SCMH1: variants seen among roughly 807,000 people sequenced by gnomAD.
The protein encoded by SCMH1 is polycomb protein SCMH1.
SCMH1 carries 37 observed loss-of-function variants against 70.8 expected under a neutral mutation model. The observed-to-expected ratio is 0.52, with a 90% CI of 0.40 to 0.69. The LOEUF (loss-of-function observed/expected upper bound fraction) is 0.69, where lower values mean the gene tolerates loss of function less well. SCMH1 is among the 30% of genes least tolerant of loss of function. The pLI is 0.00. For synonymous variants in SCMH1, 292 were observed against 307.4 expected, an observed-to-expected ratio of 0.95 and a Z score of 0.52; for missense variants, 607 against 827.3, an observed-to-expected ratio of 0.73 and a Z score of 3.27.
At chr1:41,057,267 T>C (rs1313712943) in intron 10 of SCMH1, among the ~76,000 whole-genome samples, 3 of 152,138 alleles carry the variant, frequency 2.0e-5, no homozygotes, top group African/African-American at 7.2e-5. Context: ...GTTTTTTTGT[T>C]TGTTTGTTTG....
At chr1:41,143,093 T>C in exon 6 of SCMH1, 1 of 1,614,070 alleles carries the variant, frequency 6.2e-7, no homozygotes, top group Non-Finnish European at 8.5e-7. Flanking sequence ...CTTGAACTCG[T>C]TGCTTGGAGG....
At chr1:41,159,396 G>A (rs1030318869) in intron 4 of SCMH1, among the ~76,000 whole-genome samples, 19 of 152,076 alleles carry the variant, frequency 1.2e-4, no homozygotes, top group East Asian at 5.8e-4. Flanking sequence ...TCATATTAGC[G>A]ACAAAACCAA....
rs184790794 is a variant in SCMH1, at chr1:41,220,709, A to G, written c.-118+21350T>C. ...TGGTCCTTGTTTTTGACAAAAGCGC[A>G]TAATCTAAAGGAGTCTGAAAATAAA... On this transcript the variant is annotated intron_variant, in intron 1 of 14. Coordinates refer to ENST00000337495, the Ensembl canonical transcript of SCMH1. Among the ~76,000 whole-genome samples the G allele has an allele frequency of 8.4e-4, 128 of 152,356 alleles. No individual in the cohort carries two copies. The Middle Eastern group carries it at 0.014, about 16-fold the overall frequency.
intron 10 of SCMH1, among the ~76,000 whole-genome samples, chr1:41,049,509 C>T (rs1044524559): frequency 1.5e-4 from 23 of 151,662 alleles, no homozygotes; most frequent in Middle Eastern, 3.4e-3. Context: ...TGGTGGCTCA[C>T]GCCTGTAATC....
At chr1:41,074,964 G>A (rs12023623) in intron 9 of SCMH1, among the ~76,000 whole-genome samples, 16,520 of 152,280 alleles carry the variant, frequency 0.11, 1,279 homozygotes, top group East Asian at 0.28. Context: ...CCGGGTTCAC[G>A]TCATTCTCCT....
At chr1:41,215,500 A>T (rs1014503349) in intron 1 of SCMH1, among the ~76,000 whole-genome samples, 2 of 152,072 alleles carry the variant, frequency 1.3e-5, no homozygotes, top group African/African-American at 2.4e-5. Context: ...TCTAGGGCTG[A>T]CAATCTTCTC....
At chr1:41,114,700 A>G (rs997135419) in intron 7 of SCMH1, among the ~76,000 whole-genome samples, 1 of 145,054 alleles carries the variant, frequency 6.9e-6, no homozygotes, top group African/African-American at 2.6e-5. Flanking sequence ...TTTTGGAGAA[A>G]GGGTCTGGTT....
chr1:41,191,924 G>T (rs1651805858), intron 1 of SCMH1, among the ~76,000 whole-genome samples: 1 of 152,052 alleles, frequency 6.6e-6, no homozygotes. Flanking sequence ...TTGTGGGAAG[G>T]TTGAATGCCC....
intron 5 of SCMH1, 25 bp from the exon 6 acceptor site, chr1:41,143,137 T>C (rs375470183): frequency 3.0e-5 from 48 of 1,587,602 alleles, no homozygotes; most frequent in Middle Eastern, 1.7e-4. Flanking sequence ...GCATGAGGTA[T>C]AGACAGATTA....
intron 10 of SCMH1, among the ~76,000 whole-genome samples, chr1:41,053,012 G>A (rs1400720978): frequency 6.6e-6 from 1 of 150,512 alleles, no homozygotes; most frequent in African/African-American, 2.5e-5. Flanking sequence ...CCACCTCCCG[G>A]ATTTAAGTGA....
At chr1:41,114,681 C>CTCTCTCTCTCTT (rs1268435152) in intron 7 of SCMH1, among the ~76,000 whole-genome samples, 2 of 151,612 alleles carry the variant, frequency 1.3e-5, no homozygotes, top group Non-Finnish European at 2.9e-5. Flanking sequence ...CTCTCTCTCT[C>CTCTCTCTCTCTT]TCTTTCTTTT....
At chr1:41,139,071 T>G (rs915584358) in intron 6 of SCMH1, among the ~76,000 whole-genome samples, 1 of 152,148 alleles carries the variant, frequency 6.6e-6, no homozygotes, top group Non-Finnish European at 1.5e-5. Flanking sequence ...TTTTACCCCC[T>G]GCTGTCTTTT....
intron 8 of SCMH1, among the ~76,000 whole-genome samples, chr1:41,105,271 G>A (rs932644231): frequency 6.6e-6 from 1 of 151,926 alleles, no homozygotes; most frequent in Non-Finnish European, 1.5e-5. Context: ...GCCTTAAATA[G>A]CTTTTAATAA....
chr1:41,208,852 A>G lies in SCMH1; in HGVS notation c.-117-22602T>C, dbSNP rs1656278551. Among the ~76,000 whole-genome samples, 4 of 152,222 alleles carry G rather than the reference A, an allele frequency of 2.6e-5. No individual in the cohort carries two copies. In the South Asian group the frequency reaches 8.3e-4, roughly 32 times the overall value. ...GCAAGAGCAAACACATTCAAAAGCTAGCGGAAGGCAAGAAATAAATAAGAT... is the reference window on the plus strand; with the variant it reads ...GCAAGAGCAAACACATTCAAAAGCTGGCGGAAGGCAAGAAATAAATAAGAT... On this transcript the variant is annotated intron_variant, in intron 1 of 14. Coordinates refer to ENST00000337495, the Ensembl canonical transcript of SCMH1.
chr1:41,122,230 C>G (rs1375937301), intron 6 of SCMH1, among the ~76,000 whole-genome samples: 1 of 152,192 alleles, frequency 6.6e-6, no homozygotes, highest in East Asian at 1.9e-4. Flanking sequence ...CCTCATTACT[C>G]ATCTCTTATC....
upstream of SCMH1, chr1:41,242,239 G>GCTCCCCCGGCCC (rs1462117532): frequency 2.1e-5 from 3 of 139,604 alleles, no homozygotes; most frequent in African/African-American, 7.7e-5. This position sits in a 1 kb window ranked among gnomAD's most constrained non-coding sequence, Gnocchi z 5.2. Context: ...CGGGGCGGGG[G>GCTCCCCCGGCCC]CTCCCCCGGC....
At chr1:41,157,542 A>G (rs922851261) in intron 4 of SCMH1, among the ~76,000 whole-genome samples, 4 of 152,222 alleles carry the variant, frequency 2.6e-5, no homozygotes, top group African/African-American at 4.8e-5. Flanking sequence ...AGGCAACAGA[A>G]AGAGAGCCTT....
intron 1 of SCMH1, among the ~76,000 whole-genome samples, chr1:41,219,007 TATG>T (rs1229876195): frequency 1.3e-5 from 2 of 152,060 alleles, no homozygotes; most frequent in Non-Finnish European, 2.9e-5. Context: ...GAACAAACCA[TATG>T]ATTAGAGGGC....
At chr1:41,236,009 T>A (rs992396326) in intron 1 of SCMH1, among the ~76,000 whole-genome samples, 5 of 152,230 alleles carry the variant, frequency 3.3e-5, no homozygotes, top group Non-Finnish European at 7.3e-5. Context: ...GCATTTAGAC[T>A]AGTTCAAATT....
Sources: gnomAD v4.1 joint callset for allele counts (sites outside exome capture counted in the v4.1 genomes callset) on GRCh38, gnomAD v4.1.1 for gene constraint, Gnocchi (gnomAD v3.1) non-coding constraint, MANE v1.5 for transcripts, NCBI Gene and HGNC (gene_info 2026-07-23, HGNC 2026-07-21) for gene names.